RALYL: variants seen among roughly 807,000 people sequenced by gnomAD.
RALYL encodes the protein RNA-binding Raly-like protein.
In RALYL, 29 loss-of-function variants were observed where a neutral mutation model predicts 35.1. The observed-to-expected ratio is 0.83, with a 90% CI of 0.61 to 1.13. RALYL has a LOEUF of 1.13. Ranked by LOEUF, RALYL falls within the 50% of genes most tolerant of loss-of-function variation. The pLI is 0.00. For missense variants in RALYL, 359 were observed against 360.4 expected, an observed-to-expected ratio of 1.00 and a Z score of 0.03; for synonymous variants, 120 against 127.6, an observed-to-expected ratio of 0.94 and a Z score of 0.40.
At chr8:84,394,088 A>G (rs1209137105) in intron 1 of RALYL, among the ~76,000 whole-genome samples, 6 of 151,810 alleles carry the variant, frequency 4.0e-5, no homozygotes, top group African/African-American at 1.5e-4. Context: ...TTTTCTCCCT[A>G]CTTGTGCACA....
At chr8:84,847,072 CG>C (rs1834814690) in intron 4 of RALYL, among the ~76,000 whole-genome samples, 1 of 152,142 alleles carries the variant, frequency 6.6e-6, no homozygotes, top group Admixed American at 6.5e-5. Flanking sequence ...CTAATTTCTT[CG>C]TCTACCAGTT....
chr8:84,428,077 G>GTC (rs71271988), intron 1 of RALYL, among the ~76,000 whole-genome samples: 9,917 of 128,986 alleles, frequency 0.077, 408 homozygotes, highest in Middle Eastern at 0.12. Context: ...CTTGCTCGCT[G>GTC]TCTCTCTCTC....
At chr8:84,373,005 C>T (rs1055991968) in intron 1 of RALYL, among the ~76,000 whole-genome samples, 2 of 144,796 alleles carry the variant, frequency 1.4e-5, no homozygotes, top group African/African-American at 2.5e-5. Context: ...TTATATTGAG[C>T]TTTTTTTCAT....
intron 2 of RALYL, among the ~76,000 whole-genome samples, chr8:84,649,121 G>A (rs1828132852): frequency 6.6e-6 from 1 of 151,930 alleles, no homozygotes; most frequent in African/African-American, 2.4e-5. Flanking sequence ...GTTCACATAA[G>A]GATTGCATAT....
chr8:84,789,946 G>A (rs1182889936), intron 3 of RALYL, among the ~76,000 whole-genome samples: 1 of 152,174 alleles, frequency 6.6e-6, no homozygotes, highest in Non-Finnish European at 1.5e-5. Context: ...AAAGAAATAA[G>A]TAATATCAGG....
intron 2 of RALYL, among the ~76,000 whole-genome samples, chr8:84,618,331 T>C (rs1311545721): frequency 1.3e-5 from 2 of 151,782 alleles, no homozygotes; most frequent in Non-Finnish European, 2.9e-5. Flanking sequence ...GGAGGGTGTA[T>C]GTGTCGAGGA....
At chr8:84,315,361 A>G (rs1003464543) in intron 1 of RALYL, among the ~76,000 whole-genome samples, 3 of 152,210 alleles carry the variant, frequency 2.0e-5, no homozygotes, top group Admixed American at 6.5e-5. Context: ...ATTTGCCAAG[A>G]GTATGTTTAC....
intron 2 of RALYL, among the ~76,000 whole-genome samples, chr8:84,728,091 C>T (rs1180643124): frequency 1.3e-5 from 2 of 151,562 alleles, no homozygotes; most frequent in Non-Finnish European, 2.9e-5. Flanking sequence ...GTCCCACCAA[C>T]AGTGTAAAAG....
intron 6 of RALYL, among the ~76,000 whole-genome samples, chr8:84,866,502 T>C (rs1839198557): frequency 1.3e-5 from 2 of 152,182 alleles, no homozygotes; most frequent in African/African-American, 2.4e-5. Context: ...AAATATGAAA[T>C]TGCTGAACCT....
chr8:84,839,705 G>C (rs968924433), intron 4 of RALYL, among the ~76,000 whole-genome samples: 1 of 152,228 alleles, frequency 6.6e-6, no homozygotes, highest in African/African-American at 2.4e-5. Context: ...TAGCCTAACT[G>C]GGAGGCACTC....
chr8:84,385,492 C>T (rs1858977896), intron 1 of RALYL, among the ~76,000 whole-genome samples: 1 of 151,702 alleles, frequency 6.6e-6, no homozygotes, highest in South Asian at 2.1e-4. Flanking sequence ...AGGATGAGTA[C>T]ACCTTATCCA....
At chr8:84,318,493 C>T (rs973126313) in intron 1 of RALYL, among the ~76,000 whole-genome samples, 3 of 152,180 alleles carry the variant, frequency 2.0e-5, no homozygotes, top group Non-Finnish European at 4.4e-5. Context: ...TTCATTACAT[C>T]CTCTTTCAAC....
chr8:84,824,341 C>T (rs557858360), intron 4 of RALYL, among the ~76,000 whole-genome samples: 11 of 151,334 alleles, frequency 7.3e-5, no homozygotes, highest in African/African-American at 2.7e-4. Context: ...CTACAAAACA[C>T]TGTTCAAAGA....
At chr8:84,288,192 GT>G (rs939696432) in intron 1 of RALYL, among the ~76,000 whole-genome samples, 2 of 151,204 alleles carry the variant, frequency 1.3e-5, no homozygotes, top group Non-Finnish European at 3.0e-5. Context: ...TTTTTGTTTT[GT>G]TTTTTTTCTG....
intron 8 of RALYL, among the ~76,000 whole-genome samples, chr8:84,901,237 G>A (rs1469124234): frequency 6.6e-6 from 1 of 152,068 alleles, no homozygotes; most frequent in South Asian, 2.1e-4. Context: ...GAAAAGGGAG[G>A]TCAGGAGCCT....
intron 1 of RALYL, among the ~76,000 whole-genome samples, chr8:84,292,749 G>C (rs1044290666): frequency 6.6e-6 from 1 of 152,132 alleles, no homozygotes; most frequent in Non-Finnish European, 1.5e-5. Flanking sequence ...AAAAAGGGGA[G>C]ACATGAATAA....
chr8:84,685,949 G>A (rs568488786), intron 2 of RALYL, among the ~76,000 whole-genome samples: 2 of 152,222 alleles, frequency 1.3e-5, no homozygotes, highest in South Asian at 2.1e-4. Context: ...GGTGCAGATA[G>A]GTGTGGCTTA....
At chr8:84,277,357 A>G (rs1835605198) in intron 1 of RALYL, among the ~76,000 whole-genome samples, 2 of 152,168 alleles carry the variant, frequency 1.3e-5, no homozygotes, top group African/African-American at 4.8e-5. Flanking sequence ...TGCCCCCATG[A>G]TTGAATTATC....
At chr8:84,299,325 A>G (rs969933353) in intron 1 of RALYL, among the ~76,000 whole-genome samples, 2 of 152,062 alleles carry the variant, frequency 1.3e-5, no homozygotes, top group African/African-American at 2.4e-5. Context: ...AGCCTACTTG[A>G]TCGTGGTGGA....
Sources: gnomAD v4.1 joint callset for allele counts (sites outside exome capture counted in the v4.1 genomes callset) on GRCh38, gnomAD v4.1.1 for gene constraint, MANE v1.5 for transcripts, NCBI Gene and HGNC (gene_info 2026-07-23, HGNC 2026-07-21) for gene names.